ADGRG2: variants seen among roughly 807,000 people sequenced by gnomAD.
ADGRG2 encodes G protein-coupled receptor 64.
A neutral mutation model predicts 74.1 loss-of-function variants in ADGRG2; 26 were observed. The ratio of observed to expected loss-of-function variants is 0.35; its 90% CI spans 0.26 to 0.49. ADGRG2 has a LOEUF of 0.49. Ranked by LOEUF, ADGRG2 falls within the 20% of genes least tolerant of loss-of-function variation. The pLI is 0.99. For synonymous variants in ADGRG2, 296 were observed against 295.2 expected (o/e 1.00, Z -0.03); for missense variants, 619 against 763.1 (o/e 0.81, Z 2.22).
chrX:19,048,101 G>A (rs1457123055), intron 3 of ADGRG2, among the ~76,000 whole-genome samples: 1 of 110,867 alleles, frequency 9.0e-6, no homozygotes, highest in Admixed American at 9.6e-5. Flanking sequence ...TCCTGCCTTC[G>A]CACAGTATCG....
intron 12 of ADGRG2, among the ~76,000 whole-genome samples, 162 bp from the exon 13 acceptor site, chrX:19,023,615 G>A (rs770416414): frequency 6.3e-5 from 7 of 111,816 alleles, no homozygotes; most frequent in Non-Finnish European, 3.8e-5. Context: ...TATCATCAAC[G>A]CTCTTCAGGC....
intron 3 of ADGRG2, 24 bp downstream of exon 3, chrX:19,068,693 A>C (rs765372357): frequency 1.4e-6 from 1 of 717,522 alleles, no homozygotes; most frequent in Admixed American, 3.2e-5. Context: ...AAAAAAAAAA[A>C]ATGAAGAAAA....
chrX:19,112,008 C>A (rs954759746), intron 1 of ADGRG2, among the ~76,000 whole-genome samples: 1 of 110,093 alleles, frequency 9.1e-6, no homozygotes, highest in Non-Finnish European at 1.9e-5. Flanking sequence ...TTATTTTCAA[C>A]CATATTAAAG....
intron 13 of ADGRG2, chrX:19,021,502 T>C (rs1013290960): frequency 6.4e-6 from 2 of 311,417 alleles, no homozygotes; most frequent in Non-Finnish European, 1.2e-5. Context: ...GGGGTGAAAC[T>C]TGGTTGCAGA....
chrX:19,120,489 C>T (rs73447648), intron 1 of ADGRG2, among the ~76,000 whole-genome samples: 1,508 of 112,158 alleles, frequency 0.013, 10 homozygotes, highest in Middle Eastern at 0.041. Context: ...CCTGGGTATG[C>T]TCTTAGACTT....
At chrX:19,062,013 TG>T (rs1186963066) in intron 3 of ADGRG2, among the ~76,000 whole-genome samples, 2 of 111,617 alleles carry the variant, frequency 1.8e-5, no homozygotes, top group Admixed American at 1.9e-4. Flanking sequence ...CATCCAGGCC[TG>T]GGGGGTCCTT....
At chrX:19,031,695 G>A (rs758815830) in intron 8 of ADGRG2, 6 of 111,891 alleles carry the variant, frequency 5.4e-5, no homozygotes, top group Admixed American at 9.5e-5. Flanking sequence ...CAGGACAACA[G>A]ACCACACAGG....
chrX:19,010,512 G>A, intron 17 of ADGRG2, 101 bp downstream of exon 17: 2 of 673,950 alleles, frequency 3.0e-6, no homozygotes, highest in Non-Finnish European at 2.3e-6. Flanking sequence ...TGATGTACCT[G>A]GTACTTGGGA....
At chrX:19,042,755 C>A (rs1309013963) in intron 3 of ADGRG2, among the ~76,000 whole-genome samples, 2 of 110,918 alleles carry the variant, frequency 1.8e-5, no homozygotes, top group Non-Finnish European at 3.8e-5. Flanking sequence ...TTTTAGGAGG[C>A]CGAGGTGGGA....
intron 4 of ADGRG2, chrX:19,039,140 G>A (rs2061004286): frequency 1.3e-5 from 4 of 315,423 alleles, no homozygotes; most frequent in South Asian, 2.8e-5. Flanking sequence ...GGCATGGAAA[G>A]GTTAAAGGAA....
intron 3 of ADGRG2, among the ~76,000 whole-genome samples, chrX:19,046,605 C>G (rs752502732): frequency 8.9e-6 from 1 of 112,279 alleles, no homozygotes; most frequent in Non-Finnish European, 1.9e-5. Flanking sequence ...ACAGGTAGTT[C>G]AAGAGCAGGA....
intron 6 of ADGRG2, among the ~76,000 whole-genome samples, chrX:19,037,088 G>A (rs1350452091): frequency 1.8e-5 from 2 of 112,223 alleles, no homozygotes; most frequent in African/African-American, 6.5e-5. Flanking sequence ...TGAACACACT[G>A]TGCCTCCAAA....
At chrX:19,100,963 G>A (rs929661506) in intron 1 of ADGRG2, among the ~76,000 whole-genome samples, 2 of 113,215 alleles carry the variant, frequency 1.8e-5, no homozygotes, top group African/African-American at 6.4e-5. Flanking sequence ...TTTGTGAGTT[G>A]TGAACATATG....
intron 15 of ADGRG2, among the ~76,000 whole-genome samples, chrX:19,015,376 G>C (rs2060446578): frequency 8.9e-6 from 1 of 112,309 alleles, no homozygotes; most frequent in Admixed American, 9.4e-5. Context: ...CTGAGGTTCG[G>C]GGCAGTGAGG....
chrX:19,001,017 G>A (rs941312909), intron 24 of ADGRG2, among the ~76,000 whole-genome samples: 5 of 111,585 alleles, frequency 4.5e-5, no homozygotes, highest in African/African-American at 9.7e-5. Flanking sequence ...TTACAGGCAT[G>A]AGCCACTGCA....
chrX:19,035,389 T>TA (rs2060917147), intron 7 of ADGRG2: 1 of 112,333 alleles, frequency 8.9e-6, no homozygotes, highest in Non-Finnish European at 1.9e-5. Context: ...GAAACAACTT[T>TA]AAAGTTCAAC....
chrX:19,021,786 T>C (rs2060594233), intron 13 of ADGRG2, among the ~76,000 whole-genome samples: 1 of 110,465 alleles, frequency 9.1e-6, no homozygotes, highest in Non-Finnish European at 1.9e-5. Flanking sequence ...TAGCTGGGAT[T>C]ACAGCCGTGT....
rs756209879 is a variant in ADGRG2, at chrX:19,035,948, C to T, written c.256G>A (p.Glu86Lys). ...AGAAATCACTTGATATTACCTGTTT[C>T]GTTTGAAGGGAGTAAGCTTAAAGTA... ...DVTLSLLPSN[E>K]TEKTKITIVK... Residue 86 changes from glutamate (E) to lysine (K), a missense_variant, in exon 7 of 29, where the codon GAA becomes AAA. Physicochemically the swap from Glu to Lys is moderately conservative, Grantham distance 56 (BLOSUM62 1). Coordinates refer to ENST00000379869, the MANE Select transcript of ADGRG2 (RefSeq NM_001079858.3). 5 of 983,799 alleles carry T rather than the reference C, an allele frequency of 5.1e-6. No homozygotes were observed. The highest frequency in any genetic ancestry group is 3.1e-5 in the East Asian group (1 of 31,868). The allele number at this position is 983,799 out of a possible 1,213,427, so 81.1% of individuals were successfully genotyped here.
At position 19,040,038 on chromosome X, in the gene ADGRG2, G is replaced by A. The variant is rs970914913; in HGVS notation, c.154+151C>T. On this transcript the variant is annotated intron_variant, in intron 4 of 28. Coordinates refer to ENST00000379869, the MANE Select transcript of ADGRG2 (RefSeq NM_001079858.3). ...TATGACTGTCCTCTGGTCTATGCTT[G>A]CATTGATTTTTCAGGTGTAGGCTTA... 6.1e-5 allele frequency: 27 copies of A among 441,142 alleles called. No individual in the cohort carries two copies. In the Admixed American group the frequency reaches 8.6e-4, roughly 14 times the overall value. 36.4% of individuals were successfully genotyped at this position (441,142 alleles called of 1,213,427 possible). A position where few individuals can be genotyped will look rare whatever the true frequency, so the allele number is the denominator to read the frequency against.
Sources: gnomAD v4.1 joint callset for allele counts (sites outside exome capture counted in the v4.1 genomes callset) on GRCh38, gnomAD v4.1.1 for gene constraint, MANE v1.5 for transcripts, NCBI Gene and HGNC (gene_info 2026-07-23, HGNC 2026-07-21) for gene names.